ASB2: variants seen among roughly 807,000 people sequenced by gnomAD.
The protein encoded by ASB2 is ankyrin repeat and SOCS box protein 2.
Under a neutral mutation model 62.4 loss-of-function variants are expected in ASB2, and 58 were observed. That is an observed-to-expected ratio of 0.93 (90% confidence interval 0.75 to 1.16). The LOEUF is 1.16. ASB2 is among the 50% of genes most tolerant of loss of function. The pLI is 0.00. For synonymous variants in ASB2, 386 were observed against 385.3 expected (o/e 1.00, Z -0.02); for missense variants, 928 against 887.9 (o/e 1.05, Z -0.57).
chr14:93,954,485 T>C lies in ASB2; in HGVS notation c.312-2A>G. On this transcript the variant is annotated splice_acceptor_variant, in intron 3 of 9. Coordinates refer to ENST00000555019, the MANE Select transcript of ASB2 (RefSeq NM_001202429.2). LOFTEE classifies it high-confidence loss of function. The stretch of plus-strand genomic sequence containing the variant: ...GCCTTTATCAAGGGGTCCGCAGGCC[T>C]GTGAGAGGAAGGAGTGGGTCAGTCC... The C allele has an allele frequency of 6.2e-7, 1 of 1,614,082 alleles. No homozygotes were observed. Among genetic ancestry groups the C allele is most frequent in the Non-Finnish European group, 8.5e-7 (1 of 1,179,960 alleles).
chr14:93,934,504 G>A lies in ASB2; in HGVS notation c.*152C>T, dbSNP rs1888198793. On this transcript the variant is annotated 3_prime_UTR_variant, in exon 10 of 10. Transcript: ENST00000555019. ...CTCTGGCCAAAGCTCTGGGCCCTGA[G>A]ACCCAGTGAGATCCTGGTAGCTGTC... 5 of 692,778 alleles carry A rather than the reference G, an allele frequency of 7.2e-6. No homozygotes were observed. Among genetic ancestry groups the A allele is most frequent in the Non-Finnish European group, 1.2e-5 (5 of 406,466 alleles). The allele number at this position is 692,778 out of a possible 1,614,324, so 42.9% of individuals were successfully genotyped here. A position where few individuals can be genotyped will look rare whatever the true frequency, so the allele number is the denominator to read the frequency against.
At chr14:93,944,614 C>G (rs1888653832) in intron 7 of ASB2, among the ~76,000 whole-genome samples, 1 of 152,206 alleles carries the variant, frequency 6.6e-6, no homozygotes, top group Non-Finnish European at 1.5e-5. Context: ...TGGCCATGGG[C>G]TCTGCCTGGT....
In ASB2 at chr14:93,934,328, G is replaced by T; in HGVS notation, c.*328C>A. 2.2e-6 allele frequency: 1 copy of T among 454,224 alleles called. No individual in the cohort carries two copies. Among genetic ancestry groups the T allele is most frequent in the South Asian group, 1.8e-5 (1 of 56,990 alleles). The allele number at this position is 454,224 out of a possible 1,614,324, so 28.1% of individuals were successfully genotyped here. Reference sequence around the variant, plus strand: ...GAACAAGTGGAGGGGCACAGGGAAGGCTCTGAGCACCACCTTCCCCAGAAC... The same window carrying T: ...GAACAAGTGGAGGGGCACAGGGAAGTCTCTGAGCACCACCTTCCCCAGAAC... On this transcript the variant is annotated 3_prime_UTR_variant, in exon 10 of 10. Coordinates refer to ENST00000555019, the MANE Select transcript of ASB2 (RefSeq NM_001202429.2).
intron 2 of ASB2, among the ~76,000 whole-genome samples, chr14:93,962,204 TC>T (rs1343800540): frequency 6.5e-5 from 6 of 92,400 alleles, no homozygotes; most frequent in Admixed American, 4.8e-4. Flanking sequence ...AAGCTCCGCC[TC>T]CCGGGTTCAC....
At chr14:93,973,997 C>G (rs1889836791) in intron 1 of ASB2, 1 of 152,358 alleles carries the variant, frequency 6.6e-6, no homozygotes, top group African/African-American at 2.4e-5. Context: ...GGCTTTAACT[C>G]CAGGCAGCAG....
intron 1 of ASB2, among the ~76,000 whole-genome samples, chr14:93,975,629 T>A (rs1412748155): frequency 6.6e-6 from 1 of 152,224 alleles, no homozygotes; most frequent in Non-Finnish European, 1.5e-5. Flanking sequence ...TGCCTCTCCC[T>A]CTGGCCTCCC....
intron 1 of ASB2, among the ~76,000 whole-genome samples, chr14:93,974,590 C>T (rs1364569363): frequency 6.6e-6 from 1 of 152,202 alleles, no homozygotes; most frequent in Non-Finnish European, 1.5e-5. Context: ...GCACGATGGT[C>T]CTGTTTACCA....
Position 93,943,034 on chromosome 14 carries a change from C to G in ASB2, c.1053-3362G>C, listed in dbSNP as rs192593173. On this transcript the variant is annotated intron_variant, in intron 7 of 9. Coordinates refer to ENST00000555019, the MANE Select transcript of ASB2 (RefSeq NM_001202429.2). ...TCACATTTGTTTACTTCATTTAATC[C>G]TAGCATGACCCTCAGAGCTAAGAAC... Among the ~76,000 whole-genome samples the G allele has an allele frequency of 3.9e-5, 6 of 152,268 alleles. No homozygotes were observed. The East Asian group carries it at 1.2e-3, about 29-fold the overall frequency.
chr14:93,970,213 C>T (rs116610193), intron 1 of ASB2, among the ~76,000 whole-genome samples: 1,919 of 152,266 alleles, frequency 0.013, 43 homozygotes, highest in African/African-American at 0.043. Flanking sequence ...CTAGAGGAGA[C>T]ACAGCTGGGA....
In ASB2 at chr14:93,955,432, A is replaced by G. The variant is rs930872787; in HGVS notation, c.312-949T>C. ...AAGGACGATGGGAAACTGATCAGAT[A>G]AGTCCTGAGGTCCCCATCAGCACCG... On this transcript the variant is annotated intron_variant, in intron 3 of 9. Coordinates refer to ENST00000555019, the MANE Select transcript of ASB2 (RefSeq NM_001202429.2). The G allele has an allele frequency of 4.5e-5, 14 of 314,372 alleles. 1 individual carries two copies. The highest frequency in any genetic ancestry group is 2.2e-4 in the South Asian group (8 of 36,082). 19.5% of individuals were successfully genotyped at this position (314,372 alleles called of 1,614,324 possible). A position where few individuals can be genotyped will look rare whatever the true frequency, so the allele number is the denominator to read the frequency against.
At chr14:93,934,917 C>T (rs1286641050) in intron 9 of ASB2, 125 bp from the exon 10 acceptor site, 6 of 749,058 alleles carry the variant, frequency 8.0e-6, no homozygotes, top group Non-Finnish European at 1.4e-5. Context: ...GGAGTGCCTG[C>T]TGCTGGTCAC....
chr14:93,938,300 C>CGCG (rs1187687569), intron 8 of ASB2, among the ~76,000 whole-genome samples: 1 of 133,574 alleles, frequency 7.5e-6, no homozygotes, highest in Non-Finnish European at 1.5e-5. Flanking sequence ...AGTGCAGTGG[C>CGCG]GCGATCTCGG....
chr14:93,949,698 C>T (rs1888878958), intron 6 of ASB2, among the ~76,000 whole-genome samples: 1 of 152,060 alleles, frequency 6.6e-6, no homozygotes, highest in African/African-American at 2.4e-5. Context: ...ATGGACTCAG[C>T]CCACAAAGTG....
At chr14:93,940,829 TGAG>T (rs1888490364) in intron 7 of ASB2, among the ~76,000 whole-genome samples, 1 of 152,210 alleles carries the variant, frequency 6.6e-6, no homozygotes, top group Non-Finnish European at 1.5e-5. Flanking sequence ...ATTTCAGAGA[TGAG>T]GAGACATAAG....
chr14:93,948,354 A>T (rs915396314), intron 6 of ASB2: 4 of 154,260 alleles, frequency 2.6e-5, no homozygotes, highest in African/African-American at 7.2e-5. Context: ...ACTCCATGTA[A>T]GAGGGCCTGG....
At chr14:93,951,316 C>T (rs949616418) in intron 5 of ASB2, 72 bp from the exon 6 acceptor site, 51 of 1,509,294 alleles carry the variant, frequency 3.4e-5, no homozygotes, top group Non-Finnish European at 4.1e-5. Flanking sequence ...TGCATTCATT[C>T]GCCTGTCCAT....
chr14:93,962,839 A>T (rs1225119657), intron 2 of ASB2, among the ~76,000 whole-genome samples: 2 of 152,146 alleles, frequency 1.3e-5, no homozygotes, highest in Non-Finnish European at 2.9e-5. Context: ...GAGGAAGAGG[A>T]ACTTGTGGCC....
chr14:93,969,706 A>G (rs1889704520), intron 1 of ASB2, among the ~76,000 whole-genome samples: 1 of 152,132 alleles, frequency 6.6e-6, no homozygotes. Flanking sequence ...GCTTCCTGGT[A>G]GAGGGAGGGG....
intron 3 of ASB2, among the ~76,000 whole-genome samples, chr14:93,956,201 GC>G (rs895931150): frequency 2.0e-5 from 3 of 152,180 alleles, no homozygotes; most frequent in East Asian, 1.9e-4. Context: ...CATTAGCCCT[GC>G]CCCCTGGTGC....
Sources: allele counts gnomAD v4.1 joint callset (sites outside exome capture counted in the v4.1 genomes callset), GRCh38; gene constraint gnomAD v4.1.1; transcripts MANE v1.5; gene names NCBI Gene and HGNC (gene_info 2026-07-23, HGNC 2026-07-21).